The following LRRC36 variants were observed in gnomAD, a reference collection of about 807,000 sequenced individuals.
LRRC36 encodes the protein leucine-rich repeat-containing protein 36.
A neutral mutation model predicts 81.1 loss-of-function variants in LRRC36; 62 were observed. The ratio of observed to expected loss-of-function variants is 0.76; its 90% confidence interval spans 0.62 to 0.94. The LOEUF (loss-of-function observed/expected upper bound fraction) is 0.94. LRRC36 is among the 40% of genes least tolerant of loss of function. LRRC36 has a pLI of 0.00. For synonymous variants in LRRC36, 334 were observed against 348.6 expected, an observed-to-expected ratio of 0.96 and a Z score of 0.47; for missense variants, 761 against 881.7, an observed-to-expected ratio of 0.86 and a Z score of 1.73.
intron 5 of LRRC36, among the ~76,000 whole-genome samples, chr16:67,355,665 C>G (rs890232018): frequency 6.6e-6 from 1 of 152,104 alleles, no homozygotes; most frequent in African/African-American, 2.4e-5. Flanking sequence ...TGAGCCACCG[C>G]GCCCGGTCTT....
rs764738349 is a variant in LRRC36, at chr16:67,342,092, A to G, written c.198+8A>G. The G allele has an allele frequency of 8.9e-6, 14 of 1,580,652 alleles. No individual in the cohort carries two copies. In the East Asian group the frequency reaches 9.1e-5, roughly 10 times the overall value. On this transcript the variant is annotated splice_region_variant and intron_variant, in intron 2 of 13. Transcript: ENST00000329956. ...TTGATCACTAGCCTTAAGGTAAGTTATATATTCTATGACCAGCCAGGTCTG... is the reference window on the plus strand; with the variant it reads ...TTGATCACTAGCCTTAAGGTAAGTTGTATATTCTATGACCAGCCAGGTCTG...
intron 1 of LRRC36, among the ~76,000 whole-genome samples, chr16:67,327,520 T>C (rs767511647): frequency 5.0e-4 from 76 of 152,032 alleles, no homozygotes; most frequent in Admixed American, 3.4e-3. Flanking sequence ...ATAAAATAAA[T>C]AAATAATAAA....
chr16:67,367,072 T>C lies in LRRC36; in HGVS notation c.810T>C (p.Thr270=). ...QSTVRSPEKM[T]REGYQVSFLD... Reference sequence around the variant, plus strand: ...CAGTCCGATCCCCAGAGAAGATGACTAGAGAAGGGTACCAAGTATCTTTTT... The same window carrying C: ...CAGTCCGATCCCCAGAGAAGATGACCAGAGAAGGGTACCAAGTATCTTTTT... The change falls in exon 8 of 14, where the codon ACT becomes ACC. Residue 270 remains threonine, a synonymous_variant. Coordinates refer to ENST00000329956, the MANE Select transcript of LRRC36 (RefSeq NM_018296.6). 6.2e-7 allele frequency: 1 copy of C among 1,614,154 alleles called. No individual in the cohort carries two copies. The highest frequency in any genetic ancestry group is 1.1e-5 in the South Asian group (1 of 91,082).
At chr16:67,360,738 T>C (rs2039105953) in intron 5 of LRRC36, among the ~76,000 whole-genome samples, 1 of 152,224 alleles carries the variant, frequency 6.6e-6, no homozygotes, top group South Asian at 2.1e-4. Flanking sequence ...ATGGAGGGGC[T>C]GGTTCTCAAG....
At chr16:67,342,725 A>G (rs538195047) in intron 2 of LRRC36, among the ~76,000 whole-genome samples, 2 of 152,288 alleles carry the variant, frequency 1.3e-5, no homozygotes, top group African/African-American at 4.8e-5. Flanking sequence ...TAGACCCCCA[A>G]ATACTGCTTC....
At chr16:67,362,943 C>T (rs2039224511) in intron 5 of LRRC36, among the ~76,000 whole-genome samples, 1 of 151,942 alleles carries the variant, frequency 6.6e-6, no homozygotes, top group Non-Finnish European at 1.5e-5. Flanking sequence ...ACTCCCGGCC[C>T]GGCTAATTTT....
chr16:67,383,760 A>G (rs1431823412), intron 13 of LRRC36, among the ~76,000 whole-genome samples: 2 of 152,212 alleles, frequency 1.3e-5, no homozygotes, highest in African/African-American at 4.8e-5. Context: ...CACAGTCCCA[A>G]TGTCAACTCT....
At chr16:67,377,004 A>C in intron 11 of LRRC36, 132 bp downstream of exon 11, 1 of 946,078 alleles carries the variant, frequency 1.1e-6, no homozygotes, top group Non-Finnish European at 1.5e-6. Flanking sequence ...GGAATACAAA[A>C]CTTGCTAGGA....
At chr16:67,340,624 C>T (rs2037988007) in intron 1 of LRRC36, among the ~76,000 whole-genome samples, 1 of 151,776 alleles carries the variant, frequency 6.6e-6, no homozygotes. Context: ...CCACTGCACT[C>T]CAGCTTGGGC....
Position 67,339,283 on chromosome 16 carries a change from T to C in LRRC36, c.71-2674T>C, listed in dbSNP as rs551582634. On this transcript the variant is annotated intron_variant, in intron 1 of 13. Transcript: ENST00000329956. ...GTAAAAAAAAAAAAAAAAAGGCAAT[T>C]AGTGTCTTCATATTATTATGAAAAT... Among the ~76,000 whole-genome samples, 124 of 150,508 alleles carry C rather than the reference T, an allele frequency of 8.2e-4. 3 individuals are homozygous for C. The South Asian group carries it at 0.024, about 29-fold the overall frequency.
intron 1 of LRRC36, among the ~76,000 whole-genome samples, chr16:67,339,752 T>G (rs922843381): frequency 2.6e-5 from 4 of 152,162 alleles, no homozygotes; most frequent in African/African-American, 9.7e-5. Context: ...TTCCTTTGCA[T>G]CTATGTCCCT....
chr16:67,366,882 A>G (rs2039420526), intron 7 of LRRC36, 135 bp from the exon 8 acceptor site: 1 of 666,856 alleles, frequency 1.5e-6, no homozygotes, highest in South Asian at 1.9e-5. Context: ...GCTACCATTG[A>G]TCAGAATTAT....
At chr16:67,368,117 T>C (rs1383232837) in intron 8 of LRRC36, among the ~76,000 whole-genome samples, 1 of 152,172 alleles carries the variant, frequency 6.6e-6, no homozygotes, top group Non-Finnish European at 1.5e-5. Flanking sequence ...TGTTACTTAT[T>C]TATTCAACCA....
chr16:67,365,280 C>A lies in LRRC36; in HGVS notation c.703-24C>A, dbSNP rs916898016. On this transcript the variant is annotated intron_variant, in intron 6 of 13. Transcript: ENST00000329956. Reference sequence around the variant, plus strand: ...TTGAACGCGCATGGACTTCCTTCTACCTAAACTTTCGAACTTTTTTTAGAC... The same window carrying A: ...TTGAACGCGCATGGACTTCCTTCTAACTAAACTTTCGAACTTTTTTTAGAC... 2.5e-6 allele frequency: 4 copies of A among 1,592,698 alleles called. No homozygotes were observed. The East Asian group carries it at 6.7e-5, about 27-fold the overall frequency.
intron 4 of LRRC36, among the ~76,000 whole-genome samples, chr16:67,348,995 T>A (rs2038488898): frequency 6.6e-6 from 1 of 152,178 alleles, no homozygotes; most frequent in African/African-American, 2.4e-5. Flanking sequence ...TCCTATTTTT[T>A]AAAATCAGAT....
chr16:67,382,143 G>T lies in LRRC36; in HGVS notation c.1941G>T (p.Leu647=). The T allele has an allele frequency of 6.2e-7, 1 of 1,612,972 alleles. No individual in the cohort carries two copies. The highest frequency in any genetic ancestry group is 8.5e-7 in the Non-Finnish European group (1 of 1,179,030). ...CTGTGCCCTTTGTAGATGATCTTCT[G>T]CACAAAAACCAACAGCTGACCATGC... is the stretch of plus-strand genomic sequence containing the variant. ...GQQSHTYDDL[L]HKNQQLTMQV... Residue 647 remains leucine (L), a synonymous_variant, in exon 13 of 14, where the codon CTG becomes CTT. Transcript: ENST00000329956.
At chr16:67,367,865 A>T (rs901383681) in intron 8 of LRRC36, among the ~76,000 whole-genome samples, 1 of 152,204 alleles carries the variant, frequency 6.6e-6, no homozygotes, top group Non-Finnish European at 1.5e-5. Context: ...AGCCTGGCCA[A>T]CATGGTGAAA....
chr16:67,348,813 A>G (rs912708992), intron 4 of LRRC36, among the ~76,000 whole-genome samples: 1 of 152,210 alleles, frequency 6.6e-6, no homozygotes, highest in African/African-American at 2.4e-5. Flanking sequence ...TGTCTGGAAT[A>G]CAGACGATGC....
intron 10 of LRRC36, 56 bp from the exon 11 acceptor site, chr16:67,376,671 A>C: frequency 6.4e-7 from 1 of 1,564,042 alleles, no homozygotes; most frequent in Non-Finnish European, 8.7e-7. Context: ...CTGACTAGGA[A>C]TGCTGTGCCT....
Sources: gnomAD v4.1 joint callset for allele counts (sites outside exome capture counted in the v4.1 genomes callset) on GRCh38, gnomAD v4.1.1 for gene constraint, MANE v1.5 for transcripts, NCBI Gene and HGNC (gene_info 2026-07-23, HGNC 2026-07-21) for gene names.